The following RNF38 variants were observed in gnomAD, a reference collection of about 807,000 sequenced individuals.
The protein encoded by RNF38 is ring finger protein 38.
In RNF38, 15 loss-of-function variants were observed where a neutral mutation model predicts 67.2. The ratio of observed to expected loss-of-function variants is 0.22; its 90% confidence interval spans 0.15 to 0.34. The LOEUF (loss-of-function observed/expected upper bound fraction) is 0.34, where lower values mean the gene tolerates loss of function less well. Ranked by LOEUF, RNF38 falls within the 10% of genes least tolerant of loss-of-function variation. RNF38 has a pLI of 1.00. For missense variants in RNF38, 524 were observed against 639.9 expected (o/e 0.82, Z 1.95); for synonymous variants, 220 against 218.8 (o/e 1.01, Z -0.05).
chr9:36,356,983 AATTAATCTGTT>A (rs1174085614), intron 5 of RNF38, among the ~76,000 whole-genome samples: 1 of 152,186 alleles, frequency 6.6e-6, no homozygotes, highest in Non-Finnish European at 1.5e-5. Flanking sequence ...AGCCTGAGTA[AATTAATCTGTT>A]AAGTTAGTAT....
intron 2 of RNF38, among the ~76,000 whole-genome samples, chr9:36,423,822 G>T (rs1324998673): frequency 1.1e-5 from 1 of 88,534 alleles, no homozygotes; most frequent in African/African-American, 4.0e-5. Context: ...GGTGGCGGGC[G>T]CCTGTAGTCC....
chr9:36,444,123 C>T (rs1839252549), intron 1 of RNF38, among the ~76,000 whole-genome samples: 1 of 151,966 alleles, frequency 6.6e-6, no homozygotes, highest in Non-Finnish European at 1.5e-5. Flanking sequence ...CTCTGAGGGC[C>T]AATAAAACAT....
At chr9:36,477,080 T>A (rs1336497470) in intron 1 of RNF38, among the ~76,000 whole-genome samples, 1 of 151,838 alleles carries the variant, frequency 6.6e-6, no homozygotes, top group Non-Finnish European at 1.5e-5. Context: ...TCCCAGCACT[T>A]TGGGGGGCTG....
At chr9:36,465,641 G>A (rs1429102385) in intron 1 of RNF38, among the ~76,000 whole-genome samples, 5 of 151,808 alleles carry the variant, frequency 3.3e-5, no homozygotes, top group Non-Finnish European at 5.9e-5. Flanking sequence ...CACTATACCC[G>A]GCCCATAGCA....
chr9:36,346,833 C>T (rs1265884559), intron 9 of RNF38, among the ~76,000 whole-genome samples: 3 of 152,064 alleles, frequency 2.0e-5, no homozygotes, highest in Non-Finnish European at 2.9e-5. Flanking sequence ...AAGTAAATTG[C>T]CAGGCCACAC....
intron 2 of RNF38, among the ~76,000 whole-genome samples, chr9:36,408,404 AG>A (rs1228536954): frequency 2.0e-5 from 3 of 151,910 alleles, no homozygotes; most frequent in Non-Finnish European, 4.4e-5. Context: ...GTACTCCCTG[AG>A]GAAAGATAGG....
At chr9:36,421,786 A>T in intron 2 of RNF38, among the ~76,000 whole-genome samples, 1 of 152,366 alleles carries the variant, frequency 6.6e-6, no homozygotes, top group Admixed American at 6.5e-5. Context: ...GTGAGTGTGC[A>T]GAGGGCAACA....
At chr9:36,429,529 C>A (rs1379582098) in intron 1 of RNF38, among the ~76,000 whole-genome samples, 1 of 152,110 alleles carries the variant, frequency 6.6e-6, no homozygotes, top group African/African-American at 2.4e-5. Context: ...GCCTGTAATC[C>A]CAGCACTTTG....
chr9:36,484,676 C>T (rs1047148792), intron 1 of RNF38, among the ~76,000 whole-genome samples: 2 of 152,126 alleles, frequency 1.3e-5, no homozygotes, highest in Non-Finnish European at 2.9e-5. Flanking sequence ...TAATTTAATA[C>T]TATCACCACA....
rs1832702649 is a variant in RNF38 at position 36,339,715 on chromosome 9, A to G, written c.*37T>C. On this transcript the variant is annotated 3_prime_UTR_variant, in exon 12 of 12. Transcript: ENST00000259605. ...GGATAGTCCGTATATACATGTGATGAGGAACACCCAAACTAAATTTGTGCT... is the reference window on the plus strand; with the variant it reads ...GGATAGTCCGTATATACATGTGATGGGGAACACCCAAACTAAATTTGTGCT... 2 of 1,541,428 alleles carry G rather than the reference A, an allele frequency of 1.3e-6. No homozygotes were observed. Among genetic ancestry groups the G allele is most frequent in the Non-Finnish European group, 1.8e-6 (2 of 1,117,426 alleles).
intron 2 of RNF38, among the ~76,000 whole-genome samples, chr9:36,384,419 A>C (rs1461949094): frequency 1.3e-5 from 2 of 152,172 alleles, no homozygotes; most frequent in African/African-American, 4.8e-5. Flanking sequence ...ACATAGACAA[A>C]ATTGCCCCTC....
At position 36,390,459 on chromosome 9, in the gene RNF38, A is replaced by C. The variant is rs559924247; in HGVS notation, c.162+8T>G. On this transcript the variant is annotated splice_region_variant and intron_variant, in intron 2 of 11. Transcript: ENST00000259605. ...CCCTATGTAGGGAAAGGGTAAATAT[A>C]TAAGAACCTGGAAGAAAGCTTTGAA... 6.2e-7 allele frequency: 1 copy of C among 1,610,952 alleles called. No homozygotes were observed. Among genetic ancestry groups the C allele is most frequent in the Non-Finnish European group, 8.5e-7 (1 of 1,178,816 alleles).
In RNF38 at chr9:36,413,228, T is replaced by A. The variant is rs1180483502; in HGVS notation, n.312+11385A>T. ...CTGGGCAACAGAGCAAGACTCCATC[T>A]CAATTTAAAAAAAAAAAAAAAGCAT... On this transcript the variant is annotated intron_variant and non_coding_transcript_variant, in intron 2 of 3. Coordinates refer to the RNF38 transcript ENST00000488058. Among the ~76,000 whole-genome samples the A allele has an allele frequency of 2.1e-4, 32 of 149,880 alleles. 1 individual carries two copies. The highest frequency in any genetic ancestry group is 3.4e-3 in the Middle Eastern group (1 of 294).
intron 2 of RNF38, among the ~76,000 whole-genome samples, chr9:36,421,120 A>ATAAGAAAAATCATG (rs1195997369): frequency 6.6e-6 from 1 of 152,254 alleles, no homozygotes; most frequent in Non-Finnish European, 1.5e-5. Flanking sequence ...GAGAAAACTT[A>ATAAGAAAAATCATG]TAAGAAAAAT....
rs1200215890 is a variant in RNF38, at chr9:36,353,255, G to A, written c.986C>T (p.Ser329Leu). The part of the protein sequence containing the change: ...LPVGGFTYPP[S>L]AHPPTLPPSA... ...TGGAGGTAATGTTGGGGGGTGGGCT[G>A]ATGGAGGGTAAGTAAAACCTCCTAC... Residue 329 changes from serine to leucine, a missense_variant, in exon 7 of 12, where the codon TCA becomes TTA. Transcript: ENST00000259605. 1 of 1,613,422 alleles carries A rather than the reference G, an allele frequency of 6.2e-7. No individual in the cohort carries two copies. Among genetic ancestry groups the A allele is most frequent in the East Asian group, 2.2e-5 (1 of 44,856 alleles).
chr9:36,388,722 G>A (rs925806147), intron 2 of RNF38, among the ~76,000 whole-genome samples: 3 of 151,998 alleles, frequency 2.0e-5, no homozygotes, highest in Non-Finnish European at 1.5e-5. Context: ...AAGCAGAGAG[G>A]GTGCCTTAGA....
At position 36,344,896 on chromosome 9, in the gene RNF38, C is replaced by T. The variant is rs776715570; in HGVS notation, c.1321G>A (p.Ala441Thr). The T allele has an allele frequency of 1.2e-6, 2 of 1,613,978 alleles. No homozygotes were observed. The highest frequency in any genetic ancestry group is 1.3e-5 in the African/African-American group (1 of 74,932). Residue 441 changes from alanine to threonine, a missense_variant, in exon 10 of 12, where the codon GCA becomes ACA. Ala to Thr is a moderately conservative substitution (Grantham distance 58, BLOSUM62 0). This residue lies in a region of RNF38 where 63 missense variants were observed against 122.5 expected (regional missense o/e 0.51). Transcript: ENST00000259605. ...GEAKPRGLTK[A>T]DIEQLPSYRF... is the part of the protein sequence containing the mutation. ...TAAGAAGGAAGTTGTTCAATATCTG[C>T]TTTAGTCAGTCCACGAGGCTTTGCC...
chr9:36,379,501 G>C (rs1170651758), intron 2 of RNF38, among the ~76,000 whole-genome samples: 1 of 152,134 alleles, frequency 6.6e-6, no homozygotes, highest in Non-Finnish European at 1.5e-5. Context: ...TTAATCTAGT[G>C]TGGAAGCATA....
intron 10 of RNF38, 68 bp downstream of exon 10, chr9:36,344,764 C>G (rs1833097533): frequency 6.6e-7 from 1 of 1,506,806 alleles, no homozygotes; most frequent in Admixed American, 1.8e-5. Context: ...ACCTTAATGA[C>G]TCTTAAGCTT....
Sources: allele counts gnomAD v4.1 joint callset (sites outside exome capture counted in the v4.1 genomes callset), GRCh38; gene constraint gnomAD v4.1.1; regional missense constraint gnomAD v4.1.1; transcripts MANE v1.5; gene names NCBI Gene and HGNC (gene_info 2026-07-23, HGNC 2026-07-21).